The following KCNB2 variants were observed in gnomAD, a reference collection of about 807,000 sequenced individuals.
KCNB2 encodes potassium voltage-gated channel subfamily B member 2, also known as delayed rectifier potassium channel protein.
In KCNB2, 15 loss-of-function variants were observed where a neutral mutation model predicts 61.5. The observed-to-expected ratio is 0.24, with a 90% CI of 0.16 to 0.38. The LOEUF (loss-of-function observed/expected upper bound fraction) is 0.38, where lower values mean the gene tolerates loss of function less well. Ranked by LOEUF, KCNB2 falls within the 10% of genes least tolerant of loss-of-function variation. The pLI is 1.00. For missense variants in KCNB2, 828 were observed against 1,125.2 expected, an observed-to-expected ratio of 0.74 and a Z score of 3.78; for synonymous variants, 457 against 446.0, an observed-to-expected ratio of 1.02 and a Z score of -0.31.
At chr8:72,659,276 G>A (rs1397972576) in intron 2 of KCNB2, among the ~76,000 whole-genome samples, 1 of 152,126 alleles carries the variant, frequency 6.6e-6, no homozygotes, top group Non-Finnish European at 1.5e-5. Flanking sequence ...CAAATGTGGT[G>A]GACATAGCAA....
At chr8:72,842,243 T>A (rs2129002689) in intron 2 of KCNB2, among the ~76,000 whole-genome samples, 1 of 152,332 alleles carries the variant, frequency 6.6e-6, no homozygotes, top group Admixed American at 6.5e-5. Flanking sequence ...CATTTATTGA[T>A]TTGTGTATGT....
At chr8:72,802,862 C>A (rs955435626) in intron 2 of KCNB2, among the ~76,000 whole-genome samples, 1 of 152,158 alleles carries the variant, frequency 6.6e-6, no homozygotes, top group Non-Finnish European at 1.5e-5. Flanking sequence ...AAACAGCTTC[C>A]TTCTCCATCT....
intron 2 of KCNB2, among the ~76,000 whole-genome samples, chr8:72,910,314 A>G (rs1806265182): frequency 6.6e-6 from 1 of 152,158 alleles, no homozygotes; most frequent in African/African-American, 2.4e-5. Flanking sequence ...TGGGATTAGT[A>G]ATGTCATCTA....
At chr8:72,601,625 T>C (rs538225454) in intron 2 of KCNB2, among the ~76,000 whole-genome samples, 106 of 152,352 alleles carry the variant, frequency 7.0e-4, no homozygotes, top group Non-Finnish European at 1.3e-3. Flanking sequence ...ACTTGATTGA[T>C]GACTGAACTT....
chr8:72,689,892 C>T (rs1197213786), intron 2 of KCNB2, among the ~76,000 whole-genome samples: 1 of 152,068 alleles, frequency 6.6e-6, no homozygotes, highest in African/African-American at 2.4e-5. Context: ...TTTTGCATTG[C>T]TACTTATGAA....
At chr8:72,790,541 G>A (rs1808923545) in intron 2 of KCNB2, among the ~76,000 whole-genome samples, 2 of 152,126 alleles carry the variant, frequency 1.3e-5, no homozygotes. Flanking sequence ...GTAATGGGAG[G>A]AGGAAATGCA....
At chr8:72,806,950 C>T (rs1020964743) in intron 2 of KCNB2, among the ~76,000 whole-genome samples, 1 of 152,200 alleles carries the variant, frequency 6.6e-6, no homozygotes, top group Non-Finnish European at 1.5e-5. Flanking sequence ...TCTCTTTCTT[C>T]TTCCCTCCCT....
At chr8:72,692,878 T>C (rs1806961367) in intron 2 of KCNB2, among the ~76,000 whole-genome samples, 1 of 151,372 alleles carries the variant, frequency 6.6e-6, no homozygotes, top group South Asian at 2.1e-4. Context: ...TTTCCAAGAG[T>C]ATGAACTAAG....
At chr8:72,567,596 ACT>A (rs1806643204) in intron 1 of KCNB2, 44 bp from the exon 2 acceptor site, 3 of 623,928 alleles carry the variant, frequency 4.8e-6, no homozygotes, top group Non-Finnish European at 8.4e-6. Context: ...GAACAGAAAC[ACT>A]CTAGGAAAAT....
chr8:72,721,346 G>A (rs1359501053), intron 2 of KCNB2, among the ~76,000 whole-genome samples: 1 of 152,212 alleles, frequency 6.6e-6, no homozygotes, highest in Non-Finnish European at 1.5e-5. Context: ...AATGAGTTCA[G>A]TGTGCTCTTT....
chr8:72,558,515 T>C (rs553872022), intron 1 of KCNB2, among the ~76,000 whole-genome samples: 1 of 152,302 alleles, frequency 6.6e-6, no homozygotes, highest in East Asian at 1.9e-4. Flanking sequence ...CGGAAAAGAA[T>C]ATTTCATACG....
In KCNB2 at chr8:72,710,961, A is replaced by G. The variant is rs150527110; in HGVS notation, c.579+142648A>G. ...TGAACTTCATCGATCAACATAGGCT[A>G]AGTTATGCTAGTGACAAACAATACC... On this transcript the variant is annotated intron_variant, in intron 2 of 2. Transcript: ENST00000523207. Among the ~76,000 whole-genome samples, 436 of 152,328 alleles carry G rather than the reference A, an allele frequency of 2.9e-3. 3 individuals are homozygous for G. Among genetic ancestry groups the G allele is most frequent in the African/African-American group, 0.01 (423 of 41,572 alleles).
At chr8:72,820,464 G>A (rs1288908342) in intron 2 of KCNB2, among the ~76,000 whole-genome samples, 1 of 152,080 alleles carries the variant, frequency 6.6e-6, no homozygotes, top group African/African-American at 2.4e-5. Context: ...TGTTCAGAGT[G>A]GGATTTTCAA....
chr8:72,584,268 C>A (rs1806962524), intron 2 of KCNB2, among the ~76,000 whole-genome samples: 1 of 151,924 alleles, frequency 6.6e-6, no homozygotes, highest in Non-Finnish European at 1.5e-5. Context: ...ACTGGCAAAG[C>A]CAGACAAAGA....
At chr8:72,924,019 C>A (rs148659185) in intron 2 of KCNB2, among the ~76,000 whole-genome samples, 121 of 152,242 alleles carry the variant, frequency 7.9e-4, no homozygotes, top group Non-Finnish European at 1.4e-3. Context: ...AAACAGGCTC[C>A]GTGTCTTGAC....
intron 2 of KCNB2, among the ~76,000 whole-genome samples, chr8:72,644,154 A>G (rs1806095099): frequency 6.6e-6 from 1 of 152,114 alleles, no homozygotes; most frequent in South Asian, 2.1e-4. Flanking sequence ...AATTGTTTTC[A>G]TACTCTGAAA....
intron 2 of KCNB2, among the ~76,000 whole-genome samples, chr8:72,683,207 T>C (rs1057204356): frequency 4.6e-5 from 7 of 152,210 alleles, no homozygotes; most frequent in Non-Finnish European, 1.0e-4. Flanking sequence ...GCTATCACCA[T>C]TGAACAATGT....
At chr8:72,830,787 G>A (rs967898960) in intron 2 of KCNB2, among the ~76,000 whole-genome samples, 1 of 152,164 alleles carries the variant, frequency 6.6e-6, no homozygotes, top group African/African-American at 2.4e-5. Context: ...CCTCACCCAG[G>A]TGACATCTTT....
At chr8:72,828,470 A>G (rs529263192) in intron 2 of KCNB2, among the ~76,000 whole-genome samples, 2 of 152,292 alleles carry the variant, frequency 1.3e-5, no homozygotes, top group South Asian at 4.1e-4. Flanking sequence ...ATTTTATTAC[A>G]GCAGCTCTCC....
Sources: allele counts gnomAD v4.1 joint callset (sites outside exome capture counted in the v4.1 genomes callset), GRCh38; gene constraint gnomAD v4.1.1; transcripts MANE v1.5; gene names NCBI Gene and HGNC (gene_info 2026-07-23, HGNC 2026-07-21).